TBC1D32: variants seen among roughly 807,000 people sequenced by gnomAD.
The protein encoded by TBC1D32 is protein broad-minded.
In TBC1D32, 151 loss-of-function variants were observed where a neutral mutation model predicts 170.3. That is an observed-to-expected ratio of 0.89 (90% confidence interval 0.78 to 1.01). The LOEUF is 1.01. TBC1D32 is among the 50% of genes least tolerant of loss of function. TBC1D32 has a pLI of 0.00. For synonymous variants in TBC1D32, 498 were observed against 488.0 expected, an observed-to-expected ratio of 1.02 and a Z score of -0.27; for missense variants, 1,464 against 1,457.1, an observed-to-expected ratio of 1.00 and a Z score of -0.08.
chr6:121,245,332 G>T (rs1160937797), intron 17 of TBC1D32, among the ~76,000 whole-genome samples: 1 of 152,112 alleles, frequency 6.6e-6, no homozygotes, highest in Non-Finnish European at 1.5e-5. Flanking sequence ...AGCCCTACTG[G>T]GTGGCTAGAC....
chr6:121,263,633 C>G (rs1263505588), intron 15 of TBC1D32, among the ~76,000 whole-genome samples: 2 of 152,178 alleles, frequency 1.3e-5, no homozygotes, highest in East Asian at 3.9e-4. Context: ...CCGAAAACAA[C>G]AGAATATACA....
At chr6:121,300,702 A>C (rs1424166859) in intron 9 of TBC1D32, among the ~76,000 whole-genome samples, 1 of 152,200 alleles carries the variant, frequency 6.6e-6, no homozygotes, top group African/African-American at 2.4e-5. Flanking sequence ...ACCTGATTAA[A>C]CTAAAGAGCT....
At chr6:121,213,526 A>AC (rs553329004) in intron 21 of TBC1D32, among the ~76,000 whole-genome samples, 13,993 of 75,606 alleles carry the variant, frequency 0.19, 1,579 homozygotes, top group Non-Finnish European at 0.23. Flanking sequence ...AAATAAAATA[A>AC]ATAAAATAAA....
intron 31 of TBC1D32, among the ~76,000 whole-genome samples, chr6:121,089,796 T>C (rs1171134385): frequency 1.3e-5 from 2 of 152,196 alleles, no homozygotes; most frequent in Non-Finnish European, 2.9e-5. Flanking sequence ...AAAAATAAAA[T>C]TAATTTACAT....
At chr6:121,275,043 C>T (rs530123351) in intron 15 of TBC1D32, among the ~76,000 whole-genome samples, 2 of 152,252 alleles carry the variant, frequency 1.3e-5, no homozygotes, top group African/African-American at 4.8e-5. Flanking sequence ...TACCACATGG[C>T]TCAGCTGTGA....
intron 15 of TBC1D32, among the ~76,000 whole-genome samples, chr6:121,269,788 C>A (rs1801098583): frequency 1.3e-5 from 2 of 152,280 alleles, no homozygotes; most frequent in Admixed American, 6.5e-5. Context: ...GAACTCTCCA[C>A]CCCAAATCAA....
intron 21 of TBC1D32, among the ~76,000 whole-genome samples, chr6:121,216,479 A>G (rs1398625360): frequency 1.3e-5 from 2 of 152,190 alleles, no homozygotes; most frequent in African/African-American, 4.8e-5. Flanking sequence ...GAGGAAGAGA[A>G]TATTAAGGTT....
At chr6:121,200,092 A>C (rs1162477349) in intron 22 of TBC1D32, among the ~76,000 whole-genome samples, 4 of 151,236 alleles carry the variant, frequency 2.6e-5, no homozygotes, top group Non-Finnish European at 2.9e-5. Context: ...GTAAGTATAG[A>C]CTCCCAAGTT....
At position 121,106,104 on chromosome 6, in the gene TBC1D32, G is replaced by T. The variant is rs1778655016; in HGVS notation, c.3384C>A (p.Thr1128=). 3 of 1,605,004 alleles carry T rather than the reference G, an allele frequency of 1.9e-6. No individual in the cohort carries two copies. The highest frequency in any genetic ancestry group is 2.6e-6 in the Non-Finnish European group (3 of 1,173,992). Reference sequence around the variant, plus strand: ...CCTTCAGTAGCATTTCAATATAATGGGTGCTGCAAAAATATACTGGATGGA... The same window carrying T: ...CCTTCAGTAGCATTTCAATATAATGTGTGCTGCAAAAATATACTGGATGGA... ...SGIHPVYFCS[T]HYIEMLLKAE... is the part of the protein sequence containing the mutation. The change falls in exon 30 of 32, where the codon ACC becomes ACA. Residue 1128 remains threonine, a synonymous_variant. Transcript: ENST00000398212.
intron 20 of TBC1D32, 125 bp from the exon 21 acceptor site, chr6:121,223,477 A>G: frequency 4.3e-6 from 3 of 693,658 alleles, no homozygotes; most frequent in Non-Finnish European, 7.6e-6. Context: ...CCTAATTCCC[A>G]TACGTTTGAA....
At chr6:121,130,708 A>G (rs1781353527) in intron 25 of TBC1D32, among the ~76,000 whole-genome samples, 1 of 152,184 alleles carries the variant, frequency 6.6e-6, no homozygotes, top group Admixed American at 6.5e-5. Flanking sequence ...ATTTAAACTG[A>G]ACATCATTCC....
rs780060796 is a variant in TBC1D32, at chr6:121,131,769, C to G, written c.2774-17G>C. On this transcript the variant is annotated splice_polypyrimidine_tract_variant and intron_variant, in intron 24 of 31. Coordinates refer to ENST00000398212, the MANE Select transcript of TBC1D32 (RefSeq NM_152730.6). ...GATCATTGTCTAATCAGAAAGATAA[C>G]ATACTATTATAATAAGACATGCTAG... The G allele has an allele frequency of 1.2e-5, 19 of 1,559,290 alleles. No homozygotes were observed. The highest frequency in any genetic ancestry group is 1.5e-5 in the Non-Finnish European group (17 of 1,138,260).
At position 121,112,682 on chromosome 6, in the gene TBC1D32, CT is replaced by C. The variant is rs1263411740; in HGVS notation, c.3170-24del. On this transcript the variant is annotated intron_variant, in intron 28 of 31. Coordinates refer to ENST00000398212, the MANE Select transcript of TBC1D32 (RefSeq NM_152730.6). ...AGACTGAAAAACACAGTTAAGAAAA[CT>C]TTACAATATTTTGTAAGATAAAATA... 7 of 1,522,280 alleles carry C rather than the reference CT, an allele frequency of 4.6e-6. No homozygotes were observed. The African/African-American group carries it at 9.9e-5, about 22-fold the overall frequency. 94.3% of individuals were successfully genotyped at this position (1,522,280 alleles called of 1,614,324 possible). A position where few individuals can be genotyped will look rare whatever the true frequency, so the allele number is the denominator to read the frequency against.
rs537183485 is a variant in TBC1D32, at chr6:121,111,488, C to T, written c.3324+1017G>A. ...TTAGATTTTTTAAAATCTTCAAGTA[C>T]AGTTTAAAGGAATAGAATTACTCAA... On this transcript the variant is annotated intron_variant, in intron 29 of 31. Coordinates refer to ENST00000398212, the MANE Select transcript of TBC1D32 (RefSeq NM_152730.6). Among the ~76,000 whole-genome samples the T allele has an allele frequency of 2.0e-5, 3 of 152,130 alleles. No individual in the cohort carries two copies. In the East Asian group the frequency reaches 5.8e-4, roughly 29 times the overall value.
chr6:121,093,511 A>G (rs1315620698), intron 30 of TBC1D32, among the ~76,000 whole-genome samples: 2 of 152,142 alleles, frequency 1.3e-5, no homozygotes, highest in Non-Finnish European at 2.9e-5. Context: ...GAGAATGAAA[A>G]TAAATACAAA....
At chr6:121,097,463 T>C (rs540789437) in intron 30 of TBC1D32, among the ~76,000 whole-genome samples, 4 of 152,252 alleles carry the variant, frequency 2.6e-5, no homozygotes, top group African/African-American at 9.6e-5. Context: ...CACTGGTCAT[T>C]AAAGAAATGC....
intron 15 of TBC1D32, among the ~76,000 whole-genome samples, chr6:121,273,963 T>A (rs1801859854): frequency 6.6e-6 from 1 of 152,172 alleles, no homozygotes; most frequent in Non-Finnish European, 1.5e-5. Flanking sequence ...TCTCTGAGCC[T>A]ACTCTGGTTG....
At chr6:121,302,181 G>A (rs1256626372) in intron 9 of TBC1D32, among the ~76,000 whole-genome samples, 3 of 152,008 alleles carry the variant, frequency 2.0e-5, no homozygotes, top group Non-Finnish European at 4.4e-5. Context: ...ATTAAATTCT[G>A]CCTAGACCCA....
Position 121,080,849 on chromosome 6 carries a change from T to C in TBC1D32, c.3696A>G (p.Glu1232=), listed in dbSNP as rs200173892. The change falls in exon 32 of 32, where the codon GAA becomes GAG. Residue 1232 remains glutamate (E), a synonymous_variant. Coordinates refer to ENST00000398212, the MANE Select transcript of TBC1D32 (RefSeq NM_152730.6). ...AGTTTTGTTCCAAAATTTCCATGTA[T>C]TCAAAATAATCACTCACTCGAAACC... The part of the protein sequence containing the change: ...LHGFRVSDYF[E]YMEILEQNYR... 4.3e-6 allele frequency: 7 copies of C among 1,613,968 alleles called. No individual in the cohort carries two copies. Among genetic ancestry groups the C allele is most frequent in the Middle Eastern group, 1.6e-4 (1 of 6,062 alleles).
Sources: gnomAD v4.1 joint callset for allele counts (sites outside exome capture counted in the v4.1 genomes callset) on GRCh38, gnomAD v4.1.1 for gene constraint, MANE v1.5 for transcripts, NCBI Gene and HGNC (gene_info 2026-07-23, HGNC 2026-07-21) for gene names.